FGF14: variants seen among roughly 807,000 people sequenced by gnomAD.
FGF14 encodes fibroblast growth factor 14.
FGF14 carries 5 observed loss-of-function variants against 25.5 expected under a neutral mutation model. The observed-to-expected ratio is 0.20, with a 90% CI of 0.10 to 0.41. FGF14 has a LOEUF of 0.41. FGF14 is among the 10% of genes least tolerant of loss of function. The pLI is 1.00. For synonymous variants in FGF14, 138 were observed against 118.3 expected (o/e 1.17, Z -1.08); for missense variants, 222 against 320.1 (o/e 0.69, Z 2.34).
rs1595196471 is a variant in FGF14, at chr13:102,079,127, A to G, written c.209-203831T>C. On this transcript the variant is annotated intron_variant, in intron 1 of 4. Coordinates refer to the FGF14 transcript ENST00000376131. ...TCACCCAGGGAGCCCTTAGGTAGTT[A>G]ATTTTAGTGGCCAGTTCTATTTTCA... Among the ~76,000 whole-genome samples the G allele has an allele frequency of 2.0e-5, 3 of 152,236 alleles. 1 individual carries two copies. The highest frequency in any genetic ancestry group is 2.0e-4 in the Admixed American group (3 of 15,298).
intron 1 of FGF14, among the ~76,000 whole-genome samples, chr13:102,044,085 G>T (rs1229505576): frequency 6.6e-6 from 1 of 152,210 alleles, no homozygotes; most frequent in African/African-American, 2.4e-5. Context: ...AACTTGTCTT[G>T]AAGTCTATTT....
At chr13:102,312,784 G>A (rs979381182) in intron 1 of FGF14, among the ~76,000 whole-genome samples, 5 of 152,182 alleles carry the variant, frequency 3.3e-5, no homozygotes, top group African/African-American at 1.2e-4. Flanking sequence ...ATTTCTTGCT[G>A]ATTGTTTTCT....
intron 1 of FGF14, among the ~76,000 whole-genome samples, chr13:102,110,267 T>G (rs1481935503): frequency 6.6e-6 from 1 of 152,224 alleles, no homozygotes; most frequent in East Asian, 1.9e-4. Context: ...CCCAAAGCTG[T>G]GCACAGTGTT....
intron 1 of FGF14, among the ~76,000 whole-genome samples, chr13:102,083,185 C>T (rs2140206139): frequency 6.6e-6 from 1 of 152,298 alleles, no homozygotes; most frequent in East Asian, 1.9e-4. Flanking sequence ...GAGCTACTTA[C>T]ATGACCACCA....
At chr13:101,886,826 G>C (rs1416418421) in intron 1 of FGF14, among the ~76,000 whole-genome samples, 1 of 152,036 alleles carries the variant, frequency 6.6e-6, no homozygotes, top group African/African-American at 2.4e-5. Flanking sequence ...GAATATATAA[G>C]AAACTTGAAC....
intron 1 of FGF14, among the ~76,000 whole-genome samples, chr13:101,988,712 G>C (rs199594493): frequency 7.4e-6 from 1 of 135,430 alleles, no homozygotes; most frequent in South Asian, 3.0e-4. Flanking sequence ...GTTGTGGGGT[G>C]GGGGGGAGGG....
chr13:102,023,470 C>T (rs1273517944), intron 1 of FGF14, among the ~76,000 whole-genome samples: 2 of 151,978 alleles, frequency 1.3e-5, no homozygotes, highest in Admixed American at 6.6e-5. Context: ...CCGTAAAATT[C>T]ACCTTTTATG....
chr13:102,147,588 T>C (rs888758653), intron 1 of FGF14, among the ~76,000 whole-genome samples: 4 of 152,170 alleles, frequency 2.6e-5, no homozygotes, highest in Admixed American at 2.6e-4. Context: ...TTAAAAGCCA[T>C]CTCTCTTGTA....
chr13:102,042,269 A>G (rs1566610481), intron 1 of FGF14, among the ~76,000 whole-genome samples: 1 of 152,192 alleles, frequency 6.6e-6, no homozygotes, highest in Non-Finnish European at 1.5e-5. Flanking sequence ...AGGCACTTTC[A>G]TGCATGACAC....
intron 3 of FGF14, among the ~76,000 whole-genome samples, chr13:101,862,442 C>T (rs2044473625): frequency 3.9e-5 from 6 of 151,992 alleles, no homozygotes. Context: ...TCACTGGAAT[C>T]TGGATAGTAT....
chr13:102,128,274 G>A (rs911836068), intron 1 of FGF14, among the ~76,000 whole-genome samples: 8 of 131,848 alleles, frequency 6.1e-5, no homozygotes, highest in Non-Finnish European at 1.1e-4. Flanking sequence ...CTCAGTAGCT[G>A]TCGGCTAATA....
At chr13:102,325,546 C>T (rs1032676016) in intron 1 of FGF14, among the ~76,000 whole-genome samples, 2 of 152,110 alleles carry the variant, frequency 1.3e-5, no homozygotes, top group African/African-American at 4.8e-5. Context: ...GTTTCCTCTG[C>T]CTGGAATTCT....
intron 1 of FGF14, among the ~76,000 whole-genome samples, chr13:101,936,789 T>C (rs1333695462): frequency 6.6e-6 from 1 of 152,162 alleles, no homozygotes; most frequent in African/African-American, 2.4e-5. Context: ...AAAGAATAAA[T>C]GAAGGACTGA....
At chr13:101,955,071 C>G (rs1209291635) in intron 1 of FGF14, among the ~76,000 whole-genome samples, 1 of 152,198 alleles carries the variant, frequency 6.6e-6, no homozygotes, top group African/African-American at 2.4e-5. Flanking sequence ...AAGCTGCCAC[C>G]TGTACTGAGG....
At chr13:101,832,748 T>C (rs1463881903) in intron 3 of FGF14, among the ~76,000 whole-genome samples, 1 of 151,992 alleles carries the variant, frequency 6.6e-6, no homozygotes, top group Non-Finnish European at 1.5e-5. Context: ...GAAAAGGACA[T>C]GAACTTTTAA....
At chr13:101,872,555 T>C (rs933546743) in intron 2 of FGF14, among the ~76,000 whole-genome samples, 1 of 151,862 alleles carries the variant, frequency 6.6e-6, no homozygotes, top group Non-Finnish European at 1.5e-5. Flanking sequence ...GAAAAGAAAA[T>C]GTCTTTAAAT....
chr13:101,989,494 T>C (rs961009753), intron 1 of FGF14, among the ~76,000 whole-genome samples: 1 of 152,096 alleles, frequency 6.6e-6, no homozygotes, highest in Non-Finnish European at 1.5e-5. Context: ...CTTAGTCAAT[T>C]TCACAGTGAC....
intron 1 of FGF14, among the ~76,000 whole-genome samples, chr13:102,052,173 A>G (rs2042239595): frequency 6.6e-6 from 1 of 152,156 alleles, no homozygotes; most frequent in South Asian, 2.1e-4. Flanking sequence ...ATATCTATAT[A>G]CTCAAAGACA....
chr13:101,846,217 T>C (rs1478293402), intron 3 of FGF14, among the ~76,000 whole-genome samples: 1 of 151,908 alleles, frequency 6.6e-6, no homozygotes, highest in African/African-American at 2.4e-5. Context: ...AAAGAAAACA[T>C]GTTTTGACCA....
Sources: gnomAD v4.1 joint callset for allele counts (sites outside exome capture counted in the v4.1 genomes callset) on GRCh38, gnomAD v4.1.1 for gene constraint, MANE v1.5 for transcripts, NCBI Gene and HGNC (gene_info 2026-07-23, HGNC 2026-07-21) for gene names.